CCDC102B: variants seen among roughly 807,000 people sequenced by gnomAD.
CCDC102B encodes coiled-coil domain-containing protein 102B.
In CCDC102B, 75 loss-of-function variants were observed where a neutral mutation model predicts 57.4. The observed-to-expected ratio is 1.31, with a 90% CI of 1.08 to 1.58. The LOEUF (loss-of-function observed/expected upper bound fraction) is 1.58. Among genes scored for constraint, CCDC102B ranks in the 40% most tolerant of loss-of-function variants. CCDC102B has a pLI of 0.00. For synonymous variants in CCDC102B, 206 were observed against 201.9 expected, an observed-to-expected ratio of 1.02 and a Z score of -0.17; for missense variants, 636 against 582.6, an observed-to-expected ratio of 1.09 and a Z score of -0.94.
chr18:68,973,865 A>G (rs946677499), intron 6 of CCDC102B, among the ~76,000 whole-genome samples: 25 of 152,038 alleles, frequency 1.6e-4, no homozygotes, highest in African/African-American at 5.3e-4. Flanking sequence ...TCAAATACTA[A>G]TTTTTTAAGT....
chr18:68,740,613 TGAG>T (rs1568226515), intron 2 of CCDC102B, among the ~76,000 whole-genome samples: 2 of 152,072 alleles, frequency 1.3e-5, no homozygotes, highest in South Asian at 2.1e-4. Context: ...AGTGCAGTGG[TGAG>T]GAGGTGAGGA....
chr18:68,730,233 C>T (rs1170945825), intron 2 of CCDC102B, among the ~76,000 whole-genome samples: 1 of 152,010 alleles, frequency 6.6e-6, no homozygotes, highest in Non-Finnish European at 1.5e-5. Context: ...TTCAGATCAT[C>T]ATTACAATAG....
At chr18:68,895,470 G>A (rs994592284) in intron 5 of CCDC102B, among the ~76,000 whole-genome samples, 22 of 151,762 alleles carry the variant, frequency 1.4e-4, no homozygotes, top group African/African-American at 5.1e-4. Context: ...AAGTTGTTGG[G>A]CTTTTAGAAT....
upstream of CCDC102B, among the ~76,000 whole-genome samples, chr18:68,794,574 T>C (rs1568253949): frequency 6.6e-6 from 1 of 150,646 alleles, no homozygotes; most frequent in Non-Finnish European, 1.5e-5. Flanking sequence ...TGGAATCCAC[T>C]AAAAAAAAAT....
intron 4 of CCDC102B, among the ~76,000 whole-genome samples, chr18:68,856,706 A>T (rs554227540): frequency 6.6e-6 from 1 of 152,120 alleles, no homozygotes; most frequent in Non-Finnish European, 1.5e-5. Context: ...CGAAGTTTAA[A>T]AAGTTTGTAA....
At chr18:68,765,363 AAGAAAGAAAGAAAGAAAAG>A (rs1568238978) in intron 2 of CCDC102B, among the ~76,000 whole-genome samples, 3 of 144,856 alleles carry the variant, frequency 2.1e-5, no homozygotes, top group Non-Finnish European at 4.6e-5. Context: ...GAAAGAAAGA[AAGAAAGAAAGAAAGAAAAG>A]AAAGAAAGAA....
At chr18:68,800,783 T>G (rs1294740307) in intron 1 of CCDC102B, among the ~76,000 whole-genome samples, 1 of 152,120 alleles carries the variant, frequency 6.6e-6, no homozygotes, top group Non-Finnish European at 1.5e-5. Flanking sequence ...TTCATTTCAA[T>G]AGGTGAAAAG....
At chr18:68,852,540 C>A (rs1247796539) in intron 4 of CCDC102B, among the ~76,000 whole-genome samples, 1 of 152,122 alleles carries the variant, frequency 6.6e-6, no homozygotes, top group Non-Finnish European at 1.5e-5. Flanking sequence ...CACACCATTT[C>A]ATTCATGTGG....
intron 1 of CCDC102B, among the ~76,000 whole-genome samples, chr18:68,819,953 C>T (rs1311444388): frequency 1.3e-5 from 2 of 152,002 alleles, no homozygotes; most frequent in Non-Finnish European, 2.9e-5. Flanking sequence ...CTAAAAATCA[C>T]TTACTAGTTT....
rs35333428 is a variant in CCDC102B at position 68,884,583 on chromosome 18, T to TACAC, written c.1053+9818_1053+9821dup. Among the ~76,000 whole-genome samples, 17 of 147,982 alleles carry TACAC rather than the reference T, an allele frequency of 1.1e-4. 1 individual carries two copies. Among genetic ancestry groups the TACAC allele is most frequent in the African/African-American group, 3.7e-4 (15 of 40,418 alleles). Reference sequence around the variant, plus strand: ...GCAACAGAAATACATACAATACAAATACACACACACACACACACACACATA... The same window carrying TACAC: ...GCAACAGAAATACATACAATACAAATACACACACACACACACACACACACACATA... On this transcript the variant is annotated intron_variant, in intron 5 of 7. Coordinates refer to ENST00000360242, the MANE Select transcript of CCDC102B (RefSeq NM_024781.3).
chr18:68,923,708 A>T (rs987360624), intron 6 of CCDC102B, among the ~76,000 whole-genome samples: 1 of 152,116 alleles, frequency 6.6e-6, no homozygotes, highest in Non-Finnish European at 1.5e-5. Context: ...AAAGAGAGTT[A>T]GTGGCGACCT....
At chr18:68,985,345 G>A (rs1353383732) in intron 6 of CCDC102B, among the ~76,000 whole-genome samples, 1 of 152,082 alleles carries the variant, frequency 6.6e-6, no homozygotes, top group African/African-American at 2.4e-5. Context: ...CGTTGATACT[G>A]AGAGATATGA....
At chr18:68,779,164 A>G (rs1463047437) in intron 2 of CCDC102B, among the ~76,000 whole-genome samples, 1 of 152,080 alleles carries the variant, frequency 6.6e-6, no homozygotes, top group Non-Finnish European at 1.5e-5. Context: ...AAAAATGCCC[A>G]AAATTTACTC....
At chr18:68,724,895 T>C (rs2145191901) in intron 2 of CCDC102B, among the ~76,000 whole-genome samples, 1 of 152,350 alleles carries the variant, frequency 6.6e-6, no homozygotes, top group South Asian at 2.1e-4. Context: ...ACCAGTTTAC[T>C]GTATTAGACT....
intron 2 of CCDC102B, among the ~76,000 whole-genome samples, chr18:68,719,864 T>C (rs1424163187): frequency 6.6e-6 from 1 of 152,162 alleles, no homozygotes; most frequent in African/African-American, 2.4e-5. Flanking sequence ...AGAGGAGTCA[T>C]GTGAGAATGG....
rs557122799 is a variant in CCDC102B, at chr18:68,746,706, A to G, written c.-67+30112A>G. On this transcript the variant is annotated intron_variant, in intron 2 of 3. Coordinates refer to the CCDC102B transcript ENST00000578970. Reference sequence around the variant, plus strand: ...ATTTTTCTTTCTTTTCGTCCCACGGATTCCATGTCATTATTGGGTTATCAT... The same window carrying G: ...ATTTTTCTTTCTTTTCGTCCCACGGGTTCCATGTCATTATTGGGTTATCAT... Among the ~76,000 whole-genome samples, 6 of 152,036 alleles carry G rather than the reference A, an allele frequency of 3.9e-5. No individual in the cohort carries two copies. In the South Asian group the frequency reaches 1.0e-3, roughly 26 times the overall value.
chr18:68,849,898 T>G (rs563993915), intron 4 of CCDC102B, among the ~76,000 whole-genome samples: 3 of 152,110 alleles, frequency 2.0e-5, no homozygotes, highest in African/African-American at 4.8e-5. Context: ...CTGCTGTCCT[T>G]CAGGTTCTCA....
chr18:68,820,796 T>C (rs944615789), intron 1 of CCDC102B, among the ~76,000 whole-genome samples: 4 of 152,144 alleles, frequency 2.6e-5, no homozygotes, highest in African/African-American at 7.2e-5. Flanking sequence ...CAAGCATGGA[T>C]CTTATCCACA....
At chr18:68,943,274 C>A (rs1184324598) in intron 6 of CCDC102B, among the ~76,000 whole-genome samples, 1 of 152,082 alleles carries the variant, frequency 6.6e-6, no homozygotes, top group African/African-American at 2.4e-5. Flanking sequence ...TTTGTTCTTA[C>A]TCATTTCAAA....
Sources: allele counts gnomAD v4.1 joint callset (sites outside exome capture counted in the v4.1 genomes callset), GRCh38; gene constraint gnomAD v4.1.1; transcripts MANE v1.5; gene names NCBI Gene and HGNC (gene_info 2026-07-23, HGNC 2026-07-21).